Variants in QSER1 observed in about 807,000 individuals in gnomAD.
The protein encoded by QSER1 is glutamine and serine-rich protein 1.
QSER1 carries 49 observed loss-of-function variants against 158.5 expected under a neutral mutation model. The observed-to-expected ratio is 0.31, with a 90% CI of 0.25 to 0.39. QSER1 has a LOEUF of 0.39. QSER1 is among the 10% of genes least tolerant of loss of function. The probability of loss-of-function intolerance (pLI) is 1.00; values close to 1 mark genes in which losing one functional copy is unlikely to be tolerated. For missense variants in QSER1, 1,754 were observed against 2,010.3 expected, an observed-to-expected ratio of 0.87 and a Z score of 2.44; for synonymous variants, 650 against 715.5, an observed-to-expected ratio of 0.91 and a Z score of 1.46.
chr11:32,901,354 A>T (rs11032054), intron 1 of QSER1, among the ~76,000 whole-genome samples: 5,756 of 152,308 alleles, frequency 0.038, 374 homozygotes, highest in African/African-American at 0.13. Context: ...TGCTATTAAT[A>T]CTTGCCAGAC....
chr11:32,914,173 G>A (rs563889843), intron 1 of QSER1, among the ~76,000 whole-genome samples: 2 of 152,248 alleles, frequency 1.3e-5, no homozygotes, highest in African/African-American at 4.8e-5. Flanking sequence ...AAAGAATACT[G>A]TGTGCTAAAT....
chr11:32,914,865 A>C (rs1219159260), intron 1 of QSER1, among the ~76,000 whole-genome samples: 4 of 152,230 alleles, frequency 2.6e-5, no homozygotes, highest in Non-Finnish European at 5.9e-5. Context: ...ACACTTAAAC[A>C]GTGTAGAGAG....
chr11:32,956,098 A>T lies in QSER1; in HGVS notation c.4728A>T (p.Arg1576Ser), dbSNP rs1852506519. 6.2e-7 allele frequency: 1 copy of T among 1,611,554 alleles called. No homozygotes were observed. The highest frequency in any genetic ancestry group is 1.3e-5 in the African/African-American group (1 of 74,864). ...EYVRVCSKKPRNKPSQTIRTV... is the reference protein window; with the variant it reads ...EYVRVCSKKPSNKPSQTIRTV... The stretch of plus-strand genomic sequence containing the variant: ...TCAGAGTGTGTTCTAAAAAGCCAAG[A>T]AATAAACCTTCACAAACTATCAGGT... Residue 1576 changes from arginine to serine, a missense_variant, in exon 7 of 13, where the codon AGA becomes AGT. Around this residue, in one of 2 missense-constraint regions of QSER1, gnomAD observed 1,707 missense variants for 1,919.6 expected, o/e 0.89. Coordinates refer to ENST00000650167, the MANE Select transcript of QSER1 (RefSeq NM_001076786.3).
At chr11:32,959,438 T>G (rs914870602) in intron 8 of QSER1, among the ~76,000 whole-genome samples, 1 of 152,200 alleles carries the variant, frequency 6.6e-6, no homozygotes, top group Non-Finnish European at 1.5e-5. Context: ...ATGAAAGTCC[T>G]TAGAGGGATT....
intron 4 of QSER1, among the ~76,000 whole-genome samples, chr11:32,951,640 G>A (rs1430317401): frequency 6.6e-6 from 1 of 151,998 alleles, no homozygotes; most frequent in African/African-American, 2.4e-5. Context: ...ATGTAAGTTT[G>A]CAGTTCTTTT....
rs968221851 is a variant in QSER1, at chr11:32,933,413, A to G, written c.2155A>G (p.Ile719Val). ...SSTQRLSDGEINAQESTYKVS... is the reference protein window; with the variant it reads ...SSTQRLSDGEVNAQESTYKVS... ...AACCCAAAGGCTATCTGATGGAGAA[A>G]TTAATGCTCAAGAATCAACTTATAA... Residue 719 changes from isoleucine (I) to valine (V), a missense_variant, in exon 4 of 13, where the codon ATT (isoleucine) becomes GTT (valine). By Grantham distance (29) the Ile-to-Val change is conservative (BLOSUM62 3). Transcript: ENST00000650167. 3.1e-6 allele frequency: 5 copies of G among 1,613,962 alleles called. No homozygotes were observed. Among genetic ancestry groups the G allele is most frequent in the Non-Finnish European group, 4.2e-6 (5 of 1,179,950 alleles).
chr11:32,935,531 C>A, intron 4 of QSER1, 96 bp downstream of exon 4: 2 of 913,432 alleles, frequency 2.2e-6, no homozygotes, highest in South Asian at 1.9e-5. Flanking sequence ...AGCAGGTCTG[C>A]AAGTACATTT....
chr11:32,913,697 C>T (rs1395347129), intron 1 of QSER1, among the ~76,000 whole-genome samples: 2 of 152,188 alleles, frequency 1.3e-5, no homozygotes, highest in Non-Finnish European at 2.9e-5. Flanking sequence ...GCGCCAGTTG[C>T]TGGACTGTGC....
intron 1 of QSER1, among the ~76,000 whole-genome samples, chr11:32,921,684 T>G (rs1851901528): frequency 6.6e-6 from 1 of 152,220 alleles, no homozygotes; most frequent in East Asian, 1.9e-4. Context: ...TCAGTACTTT[T>G]AAGATGGTAT....
chr11:32,935,806 T>C (rs182228714), intron 4 of QSER1, among the ~76,000 whole-genome samples: 4 of 152,358 alleles, frequency 2.6e-5, no homozygotes, highest in Admixed American at 6.5e-5. Context: ...TATTATTAAA[T>C]ATGGTTATGT....
chr11:32,907,692 G>C (rs1851712115), intron 1 of QSER1, among the ~76,000 whole-genome samples: 1 of 152,180 alleles, frequency 6.6e-6, no homozygotes, highest in Non-Finnish European at 1.5e-5. Flanking sequence ...TAACCATCCA[G>C]GGCCCATATA....
chr11:32,940,213 AAG>A (rs1852209545), intron 4 of QSER1, among the ~76,000 whole-genome samples: 1 of 152,136 alleles, frequency 6.6e-6, no homozygotes, highest in African/African-American at 2.4e-5. Context: ...GGAAACAAAA[AAG>A]AGAAAAAAGA....
intron 4 of QSER1, among the ~76,000 whole-genome samples, chr11:32,939,764 C>A (rs776903327): frequency 1.3e-5 from 2 of 151,970 alleles, no homozygotes; most frequent in African/African-American, 4.8e-5. Context: ...GATCTCAAAG[C>A]CTTTCTTTTG....
At chr11:32,969,511 T>C (rs1852812090) in intron 10 of QSER1, among the ~76,000 whole-genome samples, 1 of 152,066 alleles carries the variant, frequency 6.6e-6, no homozygotes, top group African/African-American at 2.4e-5. Flanking sequence ...GAAACGCTGA[T>C]TTTTATAAGG....
intron 7 of QSER1, among the ~76,000 whole-genome samples, chr11:32,957,134 CTTT>C (rs548632242): frequency 7.8e-6 from 1 of 127,874 alleles, no homozygotes. Context: ...CTTTTTTTTT[CTTT>C]TTTTTTTTTT....
intron 4 of QSER1, among the ~76,000 whole-genome samples, chr11:32,936,669 T>C (rs1306058757): frequency 1.3e-5 from 2 of 152,172 alleles, no homozygotes; most frequent in Non-Finnish European, 2.9e-5. Context: ...ATACCTCTAG[T>C]AAGTGACAGA....
intron 7 of QSER1, among the ~76,000 whole-genome samples, chr11:32,957,481 A>G (rs189384311): frequency 2.2e-4 from 34 of 152,254 alleles, no homozygotes; most frequent in African/African-American, 7.2e-4. Context: ...AGAGCCTGTG[A>G]GAGTTTCTTA....
At position 32,934,232 on chromosome 11, in the gene QSER1, G is replaced by A; in HGVS notation, c.2974G>A (p.Gly992Arg). ...DILAATAAAC[G>R]VTPTDFSKST... The stretch of plus-strand genomic sequence containing the variant: ...CTTAGCAGCTACAGCAGCAGCTTGT[G>A]GAGTTACACCTACTGATTTTTCCAA... Residue 992 changes from glycine to arginine, a missense_variant, in exon 4 of 13, where the codon GGA (glycine) becomes AGA (arginine). Physicochemically the swap from Gly to Arg is moderately radical, Grantham distance 125. Around this residue, in one of 2 missense-constraint regions of QSER1, gnomAD observed 1,707 missense variants for 1,919.6 expected, o/e 0.89. Transcript: ENST00000650167. 1 of 1,613,922 alleles carries A rather than the reference G, an allele frequency of 6.2e-7. No homozygotes were observed. The highest frequency in any genetic ancestry group is 8.5e-7 in the Non-Finnish European group (1 of 1,179,946).
intron 2 of QSER1, among the ~76,000 whole-genome samples, chr11:32,927,694 G>A (rs912710860): frequency 6.6e-6 from 1 of 152,058 alleles, no homozygotes; most frequent in Non-Finnish European, 1.5e-5. Flanking sequence ...GGCATGAGCC[G>A]CCACGCCCGA....
Sources: gnomAD v4.1 joint callset for allele counts (sites outside exome capture counted in the v4.1 genomes callset) on GRCh38, gnomAD v4.1.1 for gene constraint, gnomAD v4.1.1 regional missense constraint, MANE v1.5 for transcripts, NCBI Gene and HGNC (gene_info 2026-07-23, HGNC 2026-07-21) for gene names.